The following ITPK1 variants were observed in gnomAD, a reference collection of about 807,000 sequenced individuals.
ITPK1 encodes the protein inositol 1,3,4-trisphosphate 5/6-kinase.
Under a neutral mutation model 45.3 loss-of-function variants are expected in ITPK1, and 21 were observed. The observed-to-expected ratio is 0.46, with a 90% CI of 0.33 to 0.67. The LOEUF is 0.67. Ranked by LOEUF, ITPK1 falls within the 30% of genes least tolerant of loss-of-function variation. The pLI is 0.02. For missense variants in ITPK1, 474 were observed against 573.5 expected, an observed-to-expected ratio of 0.83 and a Z score of 1.77; for synonymous variants, 258 against 253.6, an observed-to-expected ratio of 1.02 and a Z score of -0.16.
chr14:93,033,900 A>G (rs79971327), intron 3 of ITPK1, among the ~76,000 whole-genome samples: 4,164 of 151,930 alleles, frequency 0.027, 97 homozygotes, highest in Admixed American at 0.085. Context: ...AGGGGAGGAG[A>G]CAGAAAGAGA....
At chr14:92,950,198 C>T (rs1207242095) in intron 9 of ITPK1, among the ~76,000 whole-genome samples, 6 of 152,230 alleles carry the variant, frequency 3.9e-5, no homozygotes, top group African/African-American at 1.2e-4. Flanking sequence ...TAGGCCCATC[C>T]GCAGGGGCAT....
chr14:93,000,974 TAAAAAAA>T (rs201265189), intron 4 of ITPK1, among the ~76,000 whole-genome samples: 7 of 81,916 alleles, frequency 8.5e-5, no homozygotes, highest in Non-Finnish European at 1.2e-4. Flanking sequence ...AGACTCCAAC[TAAAAAAA>T]AAAAAAAAAA....
intron 2 of ITPK1, among the ~76,000 whole-genome samples, chr14:93,105,144 C>T (rs1892470638): frequency 6.6e-6 from 1 of 152,158 alleles, no homozygotes; most frequent in Non-Finnish European, 1.5e-5. Context: ...ATGTCTCCCT[C>T]CTGCATGAGG....
intron 5 of ITPK1, among the ~76,000 whole-genome samples, chr14:92,964,297 C>T (rs1426914181): frequency 6.6e-6 from 1 of 152,050 alleles, no homozygotes; most frequent in Non-Finnish European, 1.5e-5. Flanking sequence ...CGGTCCCTGA[C>T]AGTGTCCAGA....
rs1353641888 is a variant in ITPK1, at chr14:93,037,617, G to A, written c.121-20816C>T. On this transcript the variant is annotated intron_variant, in intron 3 of 10. Transcript: ENST00000267615. ...CAAGAACTCCTACTGGCGAGCCCGG[G>A]GCTGAGATTCAAACTCAGCTTCCTG... Among the ~76,000 whole-genome samples, 7 of 152,138 alleles carry A rather than the reference G, an allele frequency of 4.6e-5. No individual in the cohort carries two copies. In the South Asian group the frequency reaches 1.0e-3, roughly 23 times the overall value.
At position 93,034,371 on chromosome 14, in the gene ITPK1, CTT is replaced by C. The variant is rs1889219479; in HGVS notation, c.121-17572_121-17571del. On this transcript the variant is annotated intron_variant, in intron 3 of 10. Transcript: ENST00000267615. This position sits in a 1 kb window ranked among gnomAD's most constrained non-coding sequence, Gnocchi z 4.1. ...AAAATGCAAAAAGGCTCCTGAGTCTCTTGATTCTGACCCAGAAAACTCTTCTG... is the reference window on the plus strand; with the variant it reads ...AAAATGCAAAAAGGCTCCTGAGTCTCGATTCTGACCCAGAAAACTCTTCTG... Among the ~76,000 whole-genome samples, 1 of 152,122 alleles carries C rather than the reference CTT, an allele frequency of 6.6e-6. No homozygotes were observed. Among genetic ancestry groups the C allele is most frequent in the South Asian group, 2.1e-4 (1 of 4,830 alleles).
intron 5 of ITPK1, among the ~76,000 whole-genome samples, chr14:92,974,994 GACCC>G (rs1417082678): frequency 6.6e-6 from 1 of 152,232 alleles, no homozygotes; most frequent in Admixed American, 6.5e-5. Context: ...TCCTCCCTTG[GACCC>G]ACCATGAGGA....
At chr14:92,968,378 C>G (rs1388288646) in intron 5 of ITPK1, among the ~76,000 whole-genome samples, 1 of 151,954 alleles carries the variant, frequency 6.6e-6, no homozygotes, top group Non-Finnish European at 1.5e-5. Flanking sequence ...TGTATCAATA[C>G]ATTAAGGGGA....
chr14:92,989,760 C>T (rs969466904), intron 5 of ITPK1, among the ~76,000 whole-genome samples: 1 of 152,192 alleles, frequency 6.6e-6, no homozygotes, highest in East Asian at 1.9e-4. Flanking sequence ...CCAGGCTCAA[C>T]GCTGCCTGTG....
At chr14:92,975,842 C>T (rs1237971456) in intron 5 of ITPK1, among the ~76,000 whole-genome samples, 2 of 152,174 alleles carry the variant, frequency 1.3e-5, no homozygotes, top group Non-Finnish European at 2.9e-5. Context: ...CAAATCTCAT[C>T]ATCCCCATGT....
chr14:93,086,284 GACAC>G (rs1158690985), intron 2 of ITPK1, among the ~76,000 whole-genome samples: 1 of 152,202 alleles, frequency 6.6e-6, no homozygotes, highest in Non-Finnish European at 1.5e-5. Context: ...CCTGGATGCT[GACAC>G]TCTTTGAAAG....
chr14:93,010,890 C>T (rs1467855985), intron 4 of ITPK1, among the ~76,000 whole-genome samples: 2 of 150,722 alleles, frequency 1.3e-5, no homozygotes, highest in Non-Finnish European at 3.0e-5. Context: ...TCACAGTAAG[C>T]GTGGCTGACT....
chr14:93,004,840 C>T (rs1007647176), intron 4 of ITPK1, among the ~76,000 whole-genome samples: 5 of 151,478 alleles, frequency 3.3e-5, no homozygotes, highest in African/African-American at 1.2e-4. Context: ...ATGTCAACCA[C>T]AAAGGGCCAC....
intron 2 of ITPK1, among the ~76,000 whole-genome samples, chr14:93,085,106 G>A (rs117067814): frequency 0.011 from 1,710 of 152,322 alleles, 19 homozygotes; most frequent in South Asian, 0.02. Flanking sequence ...CCTGCCCTGC[G>A]GCATCTTGGT....
intron 5 of ITPK1, among the ~76,000 whole-genome samples, chr14:92,980,583 G>A (rs1389248867): frequency 6.6e-6 from 1 of 152,188 alleles, no homozygotes; most frequent in African/African-American, 2.4e-5. Context: ...CTGTTGAAAT[G>A]GAATCTTTAT....
chr14:92,940,432 G>A lies in ITPK1; in HGVS notation c.*1129C>T. ...GCCAAGGTGATGGGGTGAGTCTGAG[G>A]TGTGCAGAAGCGATGGGGGGCGGGT... On this transcript the variant is annotated 3_prime_UTR_variant, in exon 11 of 11. Coordinates refer to ENST00000267615, the MANE Select transcript of ITPK1 (RefSeq NM_014216.6). 1.8e-6 allele frequency: 2 copies of A among 1,098,684 alleles called. No individual in the cohort carries two copies. The highest frequency in any genetic ancestry group is 2.2e-6 in the Non-Finnish European group (2 of 895,450). The allele number at this position is 1,098,684 out of a possible 1,614,324, so 68.1% of individuals were successfully genotyped here. A position where few individuals can be genotyped will look rare whatever the true frequency, so the allele number is the denominator to read the frequency against.
chr14:93,040,631 C>G (rs900057873), intron 3 of ITPK1, among the ~76,000 whole-genome samples: 2 of 152,226 alleles, frequency 1.3e-5, no homozygotes, highest in Admixed American at 1.3e-4. Flanking sequence ...TCCTCAGGAC[C>G]TGGTGAGCTC....
intron 3 of ITPK1, among the ~76,000 whole-genome samples, chr14:93,026,376 G>C (rs1888728157): frequency 2.0e-5 from 3 of 152,152 alleles, no homozygotes; most frequent in East Asian, 1.9e-4. Flanking sequence ...ACTACAAAAG[G>C]CTTCCAACAT....
At chr14:92,951,907 G>A (rs558697832) in intron 9 of ITPK1, 39 bp downstream of exon 9, 1 of 1,515,434 alleles carries the variant, frequency 6.6e-7, no homozygotes, top group African/African-American at 1.4e-5. Flanking sequence ...CCCACGGGAG[G>A]GCAGTTTCAG....
Sources: gnomAD v4.1 joint callset for allele counts (sites outside exome capture counted in the v4.1 genomes callset) on GRCh38, gnomAD v4.1.1 for gene constraint, Gnocchi (gnomAD v3.1) non-coding constraint, MANE v1.5 for transcripts, NCBI Gene and HGNC (gene_info 2026-07-23, HGNC 2026-07-21) for gene names.